TCEANC2: variants seen among roughly 807,000 people sequenced by gnomAD.
TCEANC2 encodes the protein transcription elongation factor A N-terminal and central domain-containing protein 2.
In TCEANC2, 20 loss-of-function variants were observed where a neutral mutation model predicts 22.8. The ratio of observed to expected loss-of-function variants is 0.88; its 90% CI spans 0.62 to 1.28. The LOEUF (loss-of-function observed/expected upper bound fraction) is 1.28, where lower values mean the gene tolerates loss of function less well. Ranked by LOEUF, TCEANC2 falls within the 50% of genes most tolerant of loss-of-function variation. The pLI, the probability that TCEANC2 is intolerant of heterozygous loss-of-function variation, is 0.00. For missense variants in TCEANC2, 251 were observed against 249.7 expected (o/e 1.01, Z -0.03); for synonymous variants, 84 against 95.5 (o/e 0.88, Z 0.70).
chr1:54,066,526 A>G (rs1657958617), intron 2 of TCEANC2, among the ~76,000 whole-genome samples: 1 of 152,184 alleles, frequency 6.6e-6, no homozygotes, highest in Non-Finnish European at 1.5e-5. Context: ...ACTGTCATAG[A>G]CAGGAGTTCA....
downstream of TCEANC2, among the ~76,000 whole-genome samples, chr1:54,106,836 A>C (rs1658765194): frequency 6.6e-6 from 1 of 152,168 alleles, no homozygotes; most frequent in South Asian, 2.1e-4. Flanking sequence ...GTTTTTGGTC[A>C]GGAGGGACTC....
At chr1:54,064,587 C>CAA (rs1657913223) in intron 2 of TCEANC2, among the ~76,000 whole-genome samples, 1 of 150,610 alleles carries the variant, frequency 6.6e-6, no homozygotes, top group Non-Finnish European at 1.5e-5. Flanking sequence ...ACACCCTATG[C>CAA]AAATGTTTGA....
intron 3 of TCEANC2, among the ~76,000 whole-genome samples, chr1:54,087,854 T>A (rs1658369762): frequency 6.6e-6 from 1 of 152,242 alleles, no homozygotes; most frequent in African/African-American, 2.4e-5. Context: ...TTTGTCTTGT[T>A]TCTTCATACT....
rs1658707463 is a variant in TCEANC2 at position 54,104,273 on chromosome 1, G to T, written c.*7800G>T. 5.4e-6 allele frequency: 1 copy of T among 183,878 alleles called. No homozygotes were observed. The allele number at this position is 183,878 out of a possible 1,614,324, so 11.4% of individuals were successfully genotyped here. A position where few individuals can be genotyped will look rare whatever the true frequency, so the allele number is the denominator to read the frequency against. ...GTTCTCATAGTTCTGGGCTCTGCAG[G>T]TTTAGAGGTTTTGAGTCACAAAGGA... On this transcript the variant is annotated 3_prime_UTR_variant, in exon 5 of 5. Coordinates refer to ENST00000234827, the MANE Select transcript of TCEANC2 (RefSeq NM_153035.3).
At chr1:54,074,617 A>G (rs1658114860) in intron 3 of TCEANC2, among the ~76,000 whole-genome samples, 1 of 152,240 alleles carries the variant, frequency 6.6e-6, no homozygotes, top group Non-Finnish European at 1.5e-5. Context: ...AGAAAACAAA[A>G]GAATGCTGTC....
Position 54,105,461 on chromosome 1 carries a change from A to C in TCEANC2, c.*8988A>C, listed in dbSNP as rs1438018961. On this transcript the variant is annotated 3_prime_UTR_variant, in exon 5 of 5. Coordinates refer to ENST00000234827, the MANE Select transcript of TCEANC2 (RefSeq NM_153035.3). ...GGTCTTCATACAGCATCGGAGCCCA[A>C]TTTATCTCTCTGAGCAATCCTGCTT... The C allele has an allele frequency of 6.6e-6, 1 of 152,120 alleles. No individual in the cohort carries two copies. The highest frequency in any genetic ancestry group is 6.6e-5 in the Admixed American group (1 of 15,262). The allele number at this position is 152,120 out of a possible 1,614,324, so 9.4% of individuals were successfully genotyped here.
chr1:54,076,058 CGT>C (rs1658137250), intron 3 of TCEANC2, among the ~76,000 whole-genome samples: 1 of 150,910 alleles, frequency 6.6e-6, no homozygotes, highest in Non-Finnish European at 1.5e-5. Flanking sequence ...GAAGAAGAAA[CGT>C]GTTTTATTTT....
chr1:54,106,250 G>A (rs1238660821), downstream of TCEANC2, among the ~76,000 whole-genome samples: 2 of 152,202 alleles, frequency 1.3e-5, no homozygotes, highest in Admixed American at 6.5e-5. Context: ...AAAAAGAATG[G>A]TTAAATTGTA....
chr1:54,106,287 TG>T (rs1421154349), downstream of TCEANC2, among the ~76,000 whole-genome samples: 1 of 152,188 alleles, frequency 6.6e-6, no homozygotes, highest in African/African-American at 2.4e-5. Flanking sequence ...TACCGTGCAG[TG>T]GATAAAAAGA....
chr1:54,083,545 G>A (rs1233736637), intron 3 of TCEANC2, among the ~76,000 whole-genome samples: 3 of 152,132 alleles, frequency 2.0e-5, no homozygotes, highest in African/African-American at 4.8e-5. Context: ...TGCTGGATTC[G>A]ACCAAGTCAA....
At chr1:54,087,160 A>G (rs1220262133) in intron 3 of TCEANC2, among the ~76,000 whole-genome samples, 1 of 152,220 alleles carries the variant, frequency 6.6e-6, no homozygotes, top group Non-Finnish European at 1.5e-5. Context: ...AAATTAAAAA[A>G]TATATATGTA....
At chr1:54,080,575 C>T (rs1018763381) in intron 3 of TCEANC2, among the ~76,000 whole-genome samples, 1 of 152,210 alleles carries the variant, frequency 6.6e-6, no homozygotes, top group African/African-American at 2.4e-5. Context: ...TCTTAGGACC[C>T]GTATAACACC....
intron 2 of TCEANC2, among the ~76,000 whole-genome samples, chr1:54,059,376 T>C (rs1205134713): frequency 6.6e-6 from 1 of 152,132 alleles, no homozygotes; most frequent in African/African-American, 2.4e-5. Context: ...GGCCTTGAAC[T>C]CTTGACCTCA....
rs1658627075 is a variant in TCEANC2, at chr1:54,099,765, A to G, written c.*3292A>G. 1.3e-5 allele frequency: 2 copies of G among 152,292 alleles called. No homozygotes were observed. The highest frequency in any genetic ancestry group is 2.4e-5 in the African/African-American group (1 of 41,342). 9.4% of individuals were successfully genotyped at this position (152,292 alleles called of 1,614,324 possible). ...TCTCAAAAAAAAAAAAAAAAAGAGA[A>G]AAAGAAAAAAGTTGCCCCTGAAATG... is the stretch of plus-strand genomic sequence containing the variant. On this transcript the variant is annotated 3_prime_UTR_variant, in exon 5 of 5. Coordinates refer to ENST00000234827, the MANE Select transcript of TCEANC2 (RefSeq NM_153035.3).
downstream of TCEANC2, among the ~76,000 whole-genome samples, chr1:54,107,369 T>G (rs1658774547): frequency 6.6e-6 from 1 of 152,180 alleles, no homozygotes. Context: ...ACAGGACTAT[T>G]GACTGGTGAT....
intron 2 of TCEANC2, among the ~76,000 whole-genome samples, chr1:54,064,715 T>TG (rs1553169046): frequency 6.8e-4 from 72 of 105,264 alleles, no homozygotes; most frequent in Admixed American, 7.6e-4. Flanking sequence ...TTTTTTTTTT[T>TG]GGGGGACGGA....
At chr1:54,057,157 A>G (rs76027874) in intron 2 of TCEANC2, among the ~76,000 whole-genome samples, 14,025 of 151,598 alleles carry the variant, frequency 0.093, 1,520 homozygotes, top group African/African-American at 0.27. Context: ...CCGTATACCA[A>G]GTAACTGGGA....
intron 3 of TCEANC2, among the ~76,000 whole-genome samples, chr1:54,082,340 T>A (rs1461025160): frequency 6.6e-6 from 1 of 152,240 alleles, no homozygotes; most frequent in Non-Finnish European, 1.5e-5. Flanking sequence ...TTGTTTGCAG[T>A]TGTGTGATTT....
intron 2 of TCEANC2, among the ~76,000 whole-genome samples, chr1:54,060,382 G>A (rs1008034130): frequency 1.3e-5 from 2 of 151,242 alleles, no homozygotes; most frequent in East Asian, 3.9e-4. Flanking sequence ...TCCAAGCTGG[G>A]CGACAGAGCG....
Sources: gnomAD v4.1 joint callset for allele counts (sites outside exome capture counted in the v4.1 genomes callset) on GRCh38, gnomAD v4.1.1 for gene constraint, MANE v1.5 for transcripts, NCBI Gene and HGNC (gene_info 2026-07-23, HGNC 2026-07-21) for gene names.